Variants in TMEM114 observed in about 807,000 individuals in gnomAD.
TMEM114 encodes transmembrane protein 114, also known as claudin-26.
A neutral mutation model predicts 6.2 loss-of-function variants in TMEM114; 6 were observed. The observed-to-expected ratio is 0.97, with a 90% confidence interval of 0.53 to 1.91. The LOEUF (loss-of-function observed/expected upper bound fraction) is 1.91. Ranked by LOEUF, TMEM114 falls within the 40% of genes most tolerant of loss-of-function variation. TMEM114 has a pLI of 0.01. For synonymous variants in TMEM114, 104 were observed against 73.0 expected (o/e 1.42, Z -2.16); for missense variants, 218 against 158.3 (o/e 1.38, Z -2.02).
chr16:8,534,732 T>C (rs139707072), downstream of TMEM114, among the ~76,000 whole-genome samples: 350 of 152,288 alleles, frequency 2.3e-3, 2 homozygotes, highest in African/African-American at 8.1e-3. Flanking sequence ...AATCTACAAA[T>C]GTACTTGGCA....
At chr16:8,562,308 ATGAG>A (rs1358239036) in intron 2 of TMEM114, among the ~76,000 whole-genome samples, 13 of 106,624 alleles carry the variant, frequency 1.2e-4, no homozygotes, top group Non-Finnish European at 2.2e-4. Flanking sequence ...GAGTGAGTAA[ATGAG>A]TGAGTGAGGG....
Position 8,569,724 on chromosome 16 carries a change from A to C in TMEM114, c.*49T>G. Reference sequence around the variant, plus strand: ...GCAGCCGATGGAGATCGGTCGGTGAAGCTCCGGGGCCAAGCCCCTCCCTCC... The same window carrying C: ...GCAGCCGATGGAGATCGGTCGGTGACGCTCCGGGGCCAAGCCCCTCCCTCC... On this transcript the variant is annotated 3_prime_UTR_variant, in exon 4 of 4. Transcript: ENST00000620492. 6.6e-7 allele frequency: 1 copy of C among 1,506,296 alleles called. No individual in the cohort carries two copies. The highest frequency in any genetic ancestry group is 1.3e-5 in the South Asian group (1 of 79,972). The allele number at this position is 1,506,296 out of a possible 1,614,324, so 93.3% of individuals were successfully genotyped here.
intron 2 of TMEM114, among the ~76,000 whole-genome samples, chr16:8,576,080 A>G (rs7197392): frequency 0.63 from 95,537 of 152,026 alleles, 30,231 homozygotes; most frequent in East Asian, 0.75. Flanking sequence ...TGAGACCACA[A>G]TACAATGAGA....
At chr16:8,564,438 G>T (rs1189108414) in intron 2 of TMEM114, among the ~76,000 whole-genome samples, 1 of 144,310 alleles carries the variant, frequency 6.9e-6, no homozygotes, top group African/African-American at 2.6e-5. Context: ...AGTGAGGGAG[G>T]GAGGGAATGA....
chr16:8,548,565 G>A (rs1471310062), intron 2 of TMEM114, among the ~76,000 whole-genome samples: 3 of 152,070 alleles, frequency 2.0e-5, no homozygotes, highest in African/African-American at 7.3e-5. Context: ...CTTTTGCAGG[G>A]CCACGAACCA....
At chr16:8,579,687 A>G (rs890467743) in intron 2 of TMEM114, among the ~76,000 whole-genome samples, 2 of 152,168 alleles carry the variant, frequency 1.3e-5, no homozygotes, top group Non-Finnish European at 2.9e-5. Flanking sequence ...GGCACTGAAT[A>G]TGAGAATACT....
At chr16:8,530,610 G>C in the TMEM114 span, among the ~76,000 whole-genome samples, 1 of 151,966 alleles carries the variant, frequency 6.6e-6, no homozygotes, top group Non-Finnish European at 1.5e-5. Context: ...AGGAAGAAGG[G>C]AAGGTGGGAT....
intron 2 of TMEM114, among the ~76,000 whole-genome samples, chr16:8,545,681 C>T (rs1017500333): frequency 6.6e-6 from 1 of 152,204 alleles, no homozygotes; most frequent in Non-Finnish European, 1.5e-5. Flanking sequence ...GAGGCTGATG[C>T]TGCTGATCTG....
chr16:8,555,109 G>C (rs113578017), intron 2 of TMEM114, among the ~76,000 whole-genome samples: 4,286 of 152,050 alleles, frequency 0.028, 202 homozygotes, highest in African/African-American at 0.098. Context: ...CTCTGGTTTT[G>C]CCCATGTGAG....
At chr16:8,586,612 C>T (rs900183642) in intron 2 of TMEM114, among the ~76,000 whole-genome samples, 1 of 151,794 alleles carries the variant, frequency 6.6e-6, no homozygotes. Flanking sequence ...CAGGTTCAAG[C>T]GATTCTCATA....
chr16:8,564,183 G>A (rs962362068), intron 2 of TMEM114, among the ~76,000 whole-genome samples: 1 of 151,328 alleles, frequency 6.6e-6, no homozygotes, highest in Non-Finnish European at 1.5e-5. Flanking sequence ...ATGAGTGAGT[G>A]AGTGCATGAA....
At chr16:8,557,054 A>G (rs1371977576) in intron 2 of TMEM114, among the ~76,000 whole-genome samples, 3 of 152,088 alleles carry the variant, frequency 2.0e-5, no homozygotes, top group African/African-American at 4.8e-5. Flanking sequence ...AGGAAACAGG[A>G]TACACTCAGA....
chr16:8,557,338 C>T (rs1487187406), intron 2 of TMEM114, among the ~76,000 whole-genome samples: 3 of 152,088 alleles, frequency 2.0e-5, no homozygotes, highest in Non-Finnish European at 1.5e-5. Flanking sequence ...CCTGATACTA[C>T]CATATTGTCA....
chr16:8,543,918 G>A (rs1596467438), intron 2 of TMEM114, among the ~76,000 whole-genome samples: 1 of 152,316 alleles, frequency 6.6e-6, no homozygotes, highest in South Asian at 2.1e-4. Flanking sequence ...AATTCCTTGT[G>A]TAAAAAACCA....
At chr16:8,548,009 T>C (rs946527701) in intron 2 of TMEM114, among the ~76,000 whole-genome samples, 1 of 152,168 alleles carries the variant, frequency 6.6e-6, no homozygotes, top group African/African-American at 2.4e-5. Context: ...AACAAGACTC[T>C]GGCCAAAACA....
chr16:8,541,346 CATT>C (rs1209367154), intron 2 of TMEM114, among the ~76,000 whole-genome samples: 2 of 152,120 alleles, frequency 1.3e-5, no homozygotes, highest in Non-Finnish European at 2.9e-5. Flanking sequence ...TCCAGGGTTA[CATT>C]ATTAATAATA....
Position 8,572,210 on chromosome 16 carries a change from A to G in TMEM114, c.316T>C (p.Phe106Leu). 1 of 1,551,674 alleles carries G rather than the reference A, an allele frequency of 6.4e-7. No individual in the cohort carries two copies. The highest frequency in any genetic ancestry group is 8.7e-7 in the Non-Finnish European group (1 of 1,146,992). ...SRQLLTMHGT[F>L]VILLPLSLIL... ...AGGCTGAGCGGCAGCAGAATCACAA[A>G]TGTCCCATGCATGGCTTAGAAGAGA... is the stretch of plus-strand genomic sequence containing the variant. The change falls in exon 3 of 4, where the codon TTT becomes CTT. Residue 106 changes from phenylalanine (F) to leucine (L), a missense_variant. Physicochemically the swap from Phe to Leu is conservative, Grantham distance 22. Transcript: ENST00000620492.
At chr16:8,577,323 C>A (rs1394112097) in intron 2 of TMEM114, among the ~76,000 whole-genome samples, 1 of 152,212 alleles carries the variant, frequency 6.6e-6, no homozygotes, top group East Asian at 1.9e-4. Context: ...AGCTACTGCG[C>A]TGGACTCAAA....
Position 8,552,828 on chromosome 16 carries a change from C to A in TMEM114, n.213-15002G>T, listed in dbSNP as rs559217981. ...CTTGCTGTTTCTGCACAAACCCCTC[C>A]CCTCCCCTCCCAGCAGCCCTTGATC... is the stretch of plus-strand genomic sequence containing the variant. On this transcript the variant is annotated intron_variant and non_coding_transcript_variant, in intron 2 of 2. Transcript: ENST00000623677. Among the ~76,000 whole-genome samples the A allele has an allele frequency of 2.6e-5, 4 of 152,316 alleles. No homozygotes were observed. In the South Asian group the frequency reaches 8.3e-4, roughly 32 times the overall value.
Sources: gnomAD v4.1 joint callset for allele counts (sites outside exome capture counted in the v4.1 genomes callset) on GRCh38, gnomAD v4.1.1 for gene constraint, MANE v1.5 for transcripts, NCBI Gene and HGNC (gene_info 2026-07-23, HGNC 2026-07-21) for gene names.